Variants in ANKRD44 observed in about 807,000 individuals in gnomAD.
ANKRD44 encodes serine/threonine-protein phosphatase 6 regulatory ankyrin repeat subunit B.
Under a neutral mutation model 116.0 loss-of-function variants are expected in ANKRD44, and 35 were observed. That is an observed-to-expected ratio of 0.30 (90% CI 0.23 to 0.40). The LOEUF (loss-of-function observed/expected upper bound fraction) is 0.40, where lower values mean the gene tolerates loss of function less well. Ranked by LOEUF, ANKRD44 falls within the 10% of genes least tolerant of loss-of-function variation. ANKRD44 has a pLI of 1.00. For synonymous variants in ANKRD44, 435 were observed against 461.8 expected (o/e 0.94, Z 0.74); for missense variants, 1,014 against 1,242.6 (o/e 0.82, Z 2.77).
At chr2:197,310,364 G>C (rs1321427264) in intron 1 of ANKRD44, among the ~76,000 whole-genome samples, 2 of 145,044 alleles carry the variant, frequency 1.4e-5, no homozygotes, top group African/African-American at 5.0e-5. Context: ...CCCCAGACTC[G>C]GGCGCGCAGT....
At chr2:197,063,094 C>T (rs533147621) in intron 16 of ANKRD44, among the ~76,000 whole-genome samples, 32 of 152,318 alleles carry the variant, frequency 2.1e-4, no homozygotes, top group Admixed American at 2.0e-4. Context: ...ACACCTCATG[C>T]GCCTGGGTAT....
intron 16 of ANKRD44, among the ~76,000 whole-genome samples, chr2:197,058,112 A>G (rs2077238862): frequency 6.6e-6 from 1 of 152,248 alleles, no homozygotes; most frequent in African/African-American, 2.4e-5. Flanking sequence ...ATAAATACAC[A>G]ATAACATTAA....
At chr2:197,100,805 T>C (rs1039436323) in intron 9 of ANKRD44, among the ~76,000 whole-genome samples, 2 of 152,228 alleles carry the variant, frequency 1.3e-5, no homozygotes. Flanking sequence ...ATACTTCTTT[T>C]AATAATATAG....
chr2:197,122,587 T>G (rs2078880916), intron 7 of ANKRD44, 63 bp downstream of exon 7: 5 of 1,557,850 alleles, frequency 3.2e-6, no homozygotes, highest in Non-Finnish European at 4.3e-6. Flanking sequence ...AGGATTTAAC[T>G]TTAGAATAAC....
At chr2:197,231,533 G>T (rs941079851) in intron 1 of ANKRD44, among the ~76,000 whole-genome samples, 4 of 152,074 alleles carry the variant, frequency 2.6e-5, no homozygotes, top group African/African-American at 9.7e-5. Context: ...ATGGTCCTAT[G>T]TTCCTCTAGG....
At chr2:197,171,802 G>A (rs1244053761) in intron 2 of ANKRD44, among the ~76,000 whole-genome samples, 1 of 152,142 alleles carries the variant, frequency 6.6e-6, no homozygotes, top group Non-Finnish European at 1.5e-5. Flanking sequence ...GGGGCAGGTG[G>A]TATAGGGGAA....
intron 27 of ANKRD44, chr2:196,990,937 AAT>A (rs2075904467): frequency 8.1e-7 from 1 of 1,232,172 alleles, no homozygotes; most frequent in Non-Finnish European, 1.0e-6. Context: ...CCTGGGCGTA[AAT>A]GCAGACAAGG....
chr2:197,126,102 G>GC, intron 4 of ANKRD44, 65 bp from the exon 5 acceptor site: 3 of 1,532,002 alleles, frequency 2.0e-6, no homozygotes, highest in Non-Finnish European at 2.7e-6. Flanking sequence ...ACTGGTGTAA[G>GC]ATGCTTCACC....
chr2:197,050,666 A>G (rs888380027), intron 16 of ANKRD44, among the ~76,000 whole-genome samples: 2 of 151,652 alleles, frequency 1.3e-5, no homozygotes, highest in Admixed American at 6.6e-5. Flanking sequence ...CAAGTGATCC[A>G]CCCACCTTGG....
At chr2:197,102,945 G>T (rs1201205073) in intron 9 of ANKRD44, among the ~76,000 whole-genome samples, 1 of 151,986 alleles carries the variant, frequency 6.6e-6, no homozygotes, top group African/African-American at 2.4e-5. Flanking sequence ...AAATTTGGGG[G>T]GTGGCGGGGC....
chr2:196,986,586 TTTG>T, downstream of ANKRD44: 1 of 483,292 alleles, frequency 2.1e-6, no homozygotes, highest in Non-Finnish European at 2.7e-6. Flanking sequence ...TTAAAGTTAA[TTTG>T]GCTTGAGGGG....
intron 1 of ANKRD44, among the ~76,000 whole-genome samples, chr2:197,263,919 G>A (rs549977246): frequency 6.7e-6 from 1 of 148,614 alleles, no homozygotes; most frequent in African/African-American, 2.5e-5. Context: ...TCTGGCTAAC[G>A]GAATAAGATG....
At chr2:196,999,644 A>G (rs2125895453) in intron 23 of ANKRD44, among the ~76,000 whole-genome samples, 1 of 151,692 alleles carries the variant, frequency 6.6e-6, no homozygotes, top group African/African-American at 2.4e-5. Context: ...CCCAGGCTGG[A>G]GTGCAGTGGC....
intron 21 of ANKRD44, among the ~76,000 whole-genome samples, chr2:196,978,224 T>C (rs1183572546): frequency 1.3e-5 from 2 of 152,022 alleles, no homozygotes; most frequent in African/African-American, 2.4e-5. Context: ...TTGCTCTGAG[T>C]TCACAGGAGA....
At position 197,025,207 on chromosome 2, in the gene ANKRD44, G is replaced by C. The variant is rs780700221; in HGVS notation, c.1711C>G (p.Leu571Val). 6.2e-7 allele frequency: 1 copy of C among 1,612,176 alleles called. No individual in the cohort carries two copies. Among genetic ancestry groups the C allele is most frequent in the Non-Finnish European group, 8.5e-7 (1 of 1,178,456 alleles). ...ESDSGATKSPLHLAAYNGHHQ... is the reference protein window; with the variant it reads ...ESDSGATKSPVHLAAYNGHHQ... Reference sequence around the variant, plus strand: ...GGCATCTCACTTACAGCTAAGTGGAGTGGACTCTTAGTAGCACCAGAATCT... The same window carrying C: ...GGCATCTCACTTACAGCTAAGTGGACTGGACTCTTAGTAGCACCAGAATCT... The change falls in exon 17 of 28, where the codon CTC becomes GTC. Residue 571 changes from leucine (L) to valine (V), a missense_variant. Transcript: ENST00000282272.
intron 1 of ANKRD44, among the ~76,000 whole-genome samples, chr2:197,215,564 C>G: frequency 6.6e-6 from 1 of 151,998 alleles, no homozygotes; most frequent in Non-Finnish European, 1.5e-5. Flanking sequence ...TTTTGATGAC[C>G]TCAAATGGCT....
chr2:197,289,010 C>T (rs990299400), intron 1 of ANKRD44, among the ~76,000 whole-genome samples: 2 of 152,010 alleles, frequency 1.3e-5, no homozygotes, highest in Non-Finnish European at 2.9e-5. Flanking sequence ...GTAATTATAC[C>T]TAGCAACAAT....
intron 21 of ANKRD44, among the ~76,000 whole-genome samples, chr2:196,974,114 G>T (rs754623611): frequency 1.3e-4 from 20 of 150,774 alleles, no homozygotes; most frequent in Admixed American, 9.2e-4. Context: ...ACAGCCTCTT[G>T]CTCTGTTGCC....
chr2:197,099,411 G>T, intron 10 of ANKRD44: 1 of 606,296 alleles, frequency 1.6e-6, no homozygotes, highest in Non-Finnish European at 2.1e-6. Flanking sequence ...TCCCTACATA[G>T]CAGATTGACT....
Sources: allele counts gnomAD v4.1 joint callset (sites outside exome capture counted in the v4.1 genomes callset), GRCh38; gene constraint gnomAD v4.1.1; transcripts MANE v1.5; gene names NCBI Gene and HGNC (gene_info 2026-07-23, HGNC 2026-07-21).